Variants in KCNQ5 observed in about 807,000 individuals in gnomAD.
KCNQ5 encodes potassium voltage-gated channel subfamily KQT member 5.
A neutral mutation model predicts 98.2 loss-of-function variants in KCNQ5; 30 were observed. That is an observed-to-expected ratio of 0.31 (90% confidence interval 0.23 to 0.41). The LOEUF (loss-of-function observed/expected upper bound fraction) is 0.41. KCNQ5 is among the 10% of genes least tolerant of loss of function. The probability of loss-of-function intolerance (pLI) is 1.00; values close to 1 mark genes in which losing one functional copy is unlikely to be tolerated. For missense variants in KCNQ5, 835 were observed against 1,182.5 expected (o/e 0.71, Z 4.31); for synonymous variants, 458 against 449.4 (o/e 1.02, Z -0.24).
At chr6:73,029,308 C>T (rs893988468) in intron 2 of KCNQ5, among the ~76,000 whole-genome samples, 2 of 152,000 alleles carry the variant, frequency 1.3e-5, no homozygotes, top group African/African-American at 2.4e-5. Flanking sequence ...AACAGAGAAA[C>T]GGATTGTGAC....
chr6:72,963,210 T>C (rs551918005), intron 1 of KCNQ5, among the ~76,000 whole-genome samples: 6 of 152,336 alleles, frequency 3.9e-5, no homozygotes, highest in African/African-American at 1.4e-4. Flanking sequence ...AGTAAAATAT[T>C]TTAAATGGCT....
At chr6:73,157,531 G>A in intron 10 of KCNQ5, 1 of 731,874 alleles carries the variant, frequency 1.4e-6, no homozygotes, top group Non-Finnish European at 2.5e-6. Context: ...CAGAACTGAC[G>A]ATACTTCCAT....
At chr6:72,850,877 A>G (rs1342795650) in intron 1 of KCNQ5, among the ~76,000 whole-genome samples, 2 of 152,200 alleles carry the variant, frequency 1.3e-5, no homozygotes, top group Non-Finnish European at 1.5e-5. Flanking sequence ...TTTCTTTTGA[A>G]TGGAGTGCCT....
chr6:72,791,361 G>A lies in KCNQ5; in HGVS notation c.398+168774G>A, dbSNP rs531495269. 2.0e-5 allele frequency among the ~76,000 whole-genome samples: 3 copies of A among 152,276 alleles called. No homozygotes were observed. In the East Asian group the frequency reaches 5.8e-4, roughly 29 times the overall value. On this transcript the variant is annotated intron_variant, in intron 1 of 13. Transcript: ENST00000370398. ...AGACTAGTATCCAGAAATCAGGATA[G>A]GTAAATTCCCTTGACATCATATTTT...
intron 11 of KCNQ5, among the ~76,000 whole-genome samples, chr6:73,178,155 A>T (rs958694167): frequency 6.6e-6 from 1 of 151,452 alleles, no homozygotes; most frequent in African/African-American, 2.4e-5. Context: ...AAGATTTTAC[A>T]CTCCTAGGAA....
In KCNQ5 at chr6:72,804,477, A is replaced by G. The variant is rs187360263; in HGVS notation, c.398+181890A>G. Among the ~76,000 whole-genome samples the G allele has an allele frequency of 2.9e-4, 44 of 152,122 alleles. No individual in the cohort carries two copies. In the East Asian group the frequency reaches 2.9e-3, roughly 10 times the overall value. On this transcript the variant is annotated intron_variant, in intron 1 of 13. Coordinates refer to ENST00000370398, the MANE Select transcript of KCNQ5 (RefSeq NM_019842.4). ...CATTTAACATAATGACTCTAGTTCC[A>G]TCTATGTTGTTGCAAATGACAGAAT... is the stretch of plus-strand genomic sequence containing the variant.
At chr6:72,707,405 T>TAC (rs1769145380) in intron 1 of KCNQ5, among the ~76,000 whole-genome samples, 1 of 152,202 alleles carries the variant, frequency 6.6e-6, no homozygotes, top group African/African-American at 2.4e-5. Context: ...TATCCTTATA[T>TAC]GTGTGTACAT....
chr6:72,628,108 CT>C (rs1407398408), intron 1 of KCNQ5, among the ~76,000 whole-genome samples: 6 of 152,114 alleles, frequency 3.9e-5, no homozygotes, highest in African/African-American at 1.4e-4. Flanking sequence ...AACAAGGTGC[CT>C]TGTGTCTAGT....
chr6:72,745,045 C>T (rs1447559504), intron 1 of KCNQ5, among the ~76,000 whole-genome samples: 1 of 152,118 alleles, frequency 6.6e-6, no homozygotes, highest in Non-Finnish European at 1.5e-5. Context: ...CTGGAATACA[C>T]TATTTCAAGG....
At chr6:72,927,585 T>C (rs1765484987) in intron 1 of KCNQ5, among the ~76,000 whole-genome samples, 1 of 151,924 alleles carries the variant, frequency 6.6e-6, no homozygotes, top group Non-Finnish European at 1.5e-5. Flanking sequence ...AATGAGAAAA[T>C]GGGTCAAGTA....
rs79585719 is a variant in KCNQ5 at position 72,744,274 on chromosome 6, A to C, written c.398+121687A>C. On this transcript the variant is annotated intron_variant, in intron 1 of 13. Coordinates refer to ENST00000370398, the MANE Select transcript of KCNQ5 (RefSeq NM_019842.4). ...CACAGGTATTTAAATTTAAAACTGC[A>C]ATCTATTTATCCTGTGGTGAATTTA... 4.3e-3 allele frequency among the ~76,000 whole-genome samples: 652 copies of C among 152,292 alleles called. 7 individuals are homozygous for C. Among genetic ancestry groups the C allele is most frequent in the African/African-American group, 0.015 (610 of 41,566 alleles).
At chr6:72,868,695 A>C (rs1157034340) in intron 1 of KCNQ5, among the ~76,000 whole-genome samples, 1 of 152,172 alleles carries the variant, frequency 6.6e-6, no homozygotes, top group Non-Finnish European at 1.5e-5. Flanking sequence ...GCAACCAGTA[A>C]GCTCTATGAA....
chr6:72,743,614 C>G (rs1011042973), intron 1 of KCNQ5, among the ~76,000 whole-genome samples: 6 of 152,158 alleles, frequency 3.9e-5, no homozygotes, highest in African/African-American at 1.4e-4. Flanking sequence ...CCTCTCCTTA[C>G]TATTAGGTCC....
intron 1 of KCNQ5, among the ~76,000 whole-genome samples, chr6:72,693,017 T>A (rs933042580): frequency 7.9e-5 from 12 of 152,272 alleles, no homozygotes; most frequent in African/African-American, 9.6e-5. Context: ...GATTATTTTT[T>A]AAAAAGAATA....
At chr6:72,899,664 T>G (rs1175032043) in intron 1 of KCNQ5, among the ~76,000 whole-genome samples, 1 of 152,182 alleles carries the variant, frequency 6.6e-6, no homozygotes, top group Non-Finnish European at 1.5e-5. Context: ...TTTTTATTTT[T>G]CCATAGATTA....
intron 1 of KCNQ5, among the ~76,000 whole-genome samples, chr6:72,970,713 T>C (rs1767848684): frequency 6.6e-6 from 1 of 152,174 alleles, no homozygotes. Context: ...AACTATCTGA[T>C]CTTTGACAAA....
At chr6:72,810,291 C>T (rs1775181455) in intron 1 of KCNQ5, among the ~76,000 whole-genome samples, 1 of 152,150 alleles carries the variant, frequency 6.6e-6, no homozygotes, top group African/African-American at 2.4e-5. Context: ...ACACCTGTTT[C>T]CAATAATTTT....
At chr6:72,901,645 A>G (rs1779509837) in intron 1 of KCNQ5, among the ~76,000 whole-genome samples, 1 of 152,170 alleles carries the variant, frequency 6.6e-6, no homozygotes, top group Admixed American at 6.5e-5. Context: ...TTTGTCAAAG[A>G]TCAGTTAGCT....
chr6:72,836,781 AT>A (rs1370304784), intron 1 of KCNQ5, among the ~76,000 whole-genome samples: 7 of 152,154 alleles, frequency 4.6e-5, no homozygotes, highest in African/African-American at 1.7e-4. Context: ...ATACAAGGTA[AT>A]TTATTGTTTC....
Sources: allele counts gnomAD v4.1 joint callset (sites outside exome capture counted in the v4.1 genomes callset), GRCh38; gene constraint gnomAD v4.1.1; transcripts MANE v1.5; gene names NCBI Gene and HGNC (gene_info 2026-07-23, HGNC 2026-07-21).